The following EPB41L3 variants were observed in gnomAD, a reference collection of about 807,000 sequenced individuals.
EPB41L3 encodes the protein band 4.1-like protein 3.
A neutral mutation model predicts 127.1 loss-of-function variants in EPB41L3; 57 were observed. That is an observed-to-expected ratio of 0.45 (90% CI 0.36 to 0.56). The LOEUF (loss-of-function observed/expected upper bound fraction) is 0.56, where lower values mean the gene tolerates loss of function less well. EPB41L3 is among the 20% of genes least tolerant of loss of function. EPB41L3 has a pLI of 0.00. For synonymous variants in EPB41L3, 572 were observed against 549.5 expected (o/e 1.04, Z -0.57); for missense variants, 1,273 against 1,372.2 (o/e 0.93, Z 1.14).
intron 1 of EPB41L3, among the ~76,000 whole-genome samples, chr18:5,513,633 G>GT (rs1325349937): frequency 1.3e-5 from 2 of 152,194 alleles, no homozygotes; most frequent in Non-Finnish European, 2.9e-5. Flanking sequence ...CTTTGGGTAA[G>GT]TAACTTAACT....
chr18:5,488,187 G>T (rs979699315), intron 2 of EPB41L3, among the ~76,000 whole-genome samples: 2 of 152,176 alleles, frequency 1.3e-5, no homozygotes, highest in African/African-American at 4.8e-5. Flanking sequence ...TGTGTATAGG[G>T]AGGGAAAGAC....
intron 3 of EPB41L3, among the ~76,000 whole-genome samples, chr18:5,600,781 GAGA>G (rs2094582399): frequency 6.6e-6 from 1 of 152,126 alleles, no homozygotes; most frequent in Admixed American, 6.6e-5. Flanking sequence ...ATTTACTACA[GAGA>G]AGAAGTAGTT....
At chr18:5,560,342 A>G (rs1350554051) in intron 3 of EPB41L3, among the ~76,000 whole-genome samples, 1 of 152,096 alleles carries the variant, frequency 6.6e-6, no homozygotes, top group Non-Finnish European at 1.5e-5. Context: ...CAGCAACTTT[A>G]AGAGTGAAGA....
intron 3 of EPB41L3, chr18:5,467,407 A>C (rs2085195342): frequency 6.6e-6 from 1 of 152,216 alleles, no homozygotes; most frequent in African/African-American, 2.4e-5. Context: ...GTTTCTCTTC[A>C]ACAGGATCTG....
intron 22 of EPB41L3, chr18:5,393,796 G>A (rs1488751509): frequency 8.2e-6 from 2 of 245,072 alleles, no homozygotes; most frequent in East Asian, 8.8e-5. Context: ...TTCTTAAACC[G>A]ATGTTAGAAA....
intron 1 of EPB41L3, among the ~76,000 whole-genome samples, chr18:5,511,391 GTTTTTTTTTTTTTTTT>G (rs1190047630): frequency 1.0e-4 from 6 of 59,800 alleles, no homozygotes; most frequent in Admixed American, 5.3e-4. Flanking sequence ...AGGTATTTTG[GTTTTTTTTTTTTTTTT>G]TTTTTTTTTT....
chr18:5,524,079 C>T (rs2093120841), intron 1 of EPB41L3, among the ~76,000 whole-genome samples: 1 of 152,008 alleles, frequency 6.6e-6, no homozygotes, highest in African/African-American at 2.4e-5. Flanking sequence ...GACGTGGGTA[C>T]TATTATTATT....
chr18:5,590,893 T>G (rs546892065), intron 3 of EPB41L3, among the ~76,000 whole-genome samples: 316 of 152,198 alleles, frequency 2.1e-3, no homozygotes, highest in African/African-American at 7.3e-3. Context: ...GATCAGTGGC[T>G]GCCAGAGGCT....
At chr18:5,492,577 G>A (rs556800865) in intron 1 of EPB41L3, among the ~76,000 whole-genome samples, 1 of 152,242 alleles carries the variant, frequency 6.6e-6, no homozygotes, top group African/African-American at 2.4e-5. Flanking sequence ...CTTCTCTTCT[G>A]ATAGGTTCAC....
At chr18:5,498,462 C>T (rs1384524061) in intron 1 of EPB41L3, among the ~76,000 whole-genome samples, 4 of 151,866 alleles carry the variant, frequency 2.6e-5, no homozygotes, top group Admixed American at 1.3e-4. Context: ...GGTGTGGTCA[C>T]GGGCACCTGT....
rs575959689 is a variant in EPB41L3 at position 5,543,249 on chromosome 18, G to C, written c.-12+664C>G. 13 of 151,114 alleles carry C rather than the reference G, an allele frequency of 8.6e-5. No individual in the cohort carries two copies. The highest frequency in any genetic ancestry group is 2.9e-4 in the African/African-American group (12 of 41,330). 9.4% of individuals were successfully genotyped at this position (151,114 alleles called of 1,614,324 possible). On this transcript the variant is annotated intron_variant, in intron 1 of 22. Coordinates refer to ENST00000341928, the MANE Select transcript of EPB41L3 (RefSeq NM_012307.5). This position sits in a 1 kb window ranked among gnomAD's most constrained non-coding sequence, Gnocchi z 5.2. Reference sequence around the variant, plus strand: ...GGGCCGCTGCCCCAGTTTGGGGAACGAGGCAAGTTATATAAAAGCGGCCGG... The same window carrying C: ...GGGCCGCTGCCCCAGTTTGGGGAACCAGGCAAGTTATATAAAAGCGGCCGG...
intron 1 of EPB41L3, among the ~76,000 whole-genome samples, chr18:5,542,975 G>T (rs2093778078): frequency 6.6e-6 from 1 of 152,068 alleles, no homozygotes; most frequent in Non-Finnish European, 1.5e-5. Context: ...CCAGCGGTCC[G>T]AAGCCCTAGC....
chr18:5,401,080 A>C (rs2074421484), intron 16 of EPB41L3: 2 of 1,388,264 alleles, frequency 1.4e-6, no homozygotes, highest in East Asian at 5.0e-5. Context: ...GAGAAGAGGA[A>C]GTAGACAGTT....
chr18:5,474,290 C>T (rs902509338), intron 3 of EPB41L3, among the ~76,000 whole-genome samples: 1 of 151,982 alleles, frequency 6.6e-6, no homozygotes, highest in African/African-American at 2.4e-5. Context: ...TCTAAGCCAA[C>T]TGCTAGAAGG....
At chr18:5,609,037 A>C (rs568969008) in intron 3 of EPB41L3, among the ~76,000 whole-genome samples, 5 of 152,204 alleles carry the variant, frequency 3.3e-5, no homozygotes, top group Non-Finnish European at 5.9e-5. Context: ...CATTCAATAC[A>C]TTTTTAGAAA....
intron 1 of EPB41L3, among the ~76,000 whole-genome samples, chr18:5,530,148 T>C (rs1030470382): frequency 5.3e-5 from 8 of 152,184 alleles, no homozygotes; most frequent in African/African-American, 1.9e-4. Flanking sequence ...ATTAGCACCA[T>C]TTATTGGGTA....
intron 1 of EPB41L3, among the ~76,000 whole-genome samples, chr18:5,524,776 G>A (rs1282623226): frequency 1.3e-5 from 2 of 152,132 alleles, no homozygotes; most frequent in Non-Finnish European, 2.9e-5. Flanking sequence ...AATGTGTGGA[G>A]CTAGCGTGGA....
chr18:5,528,402 C>T (rs1443370012), intron 1 of EPB41L3, among the ~76,000 whole-genome samples: 1 of 152,066 alleles, frequency 6.6e-6, no homozygotes, highest in Non-Finnish European at 1.5e-5. Flanking sequence ...TCTCAAACTC[C>T]TGAGCTCAAG....
At chr18:5,474,186 G>T (rs554484296) in intron 3 of EPB41L3, among the ~76,000 whole-genome samples, 1 of 151,652 alleles carries the variant, frequency 6.6e-6, no homozygotes, top group East Asian at 1.9e-4. Context: ...AGCCGAGATC[G>T]CGCCACTGCA....
Sources: allele counts gnomAD v4.1 joint callset (sites outside exome capture counted in the v4.1 genomes callset), GRCh38; gene constraint gnomAD v4.1.1; non-coding constraint Gnocchi (gnomAD v3.1); transcripts MANE v1.5; gene names NCBI Gene and HGNC (gene_info 2026-07-23, HGNC 2026-07-21).